Variants in PXDN observed in about 807,000 individuals in gnomAD.
The protein encoded by PXDN is peroxidasin.
A neutral mutation model predicts 140.3 loss-of-function variants in PXDN; 77 were observed. That is an observed-to-expected ratio of 0.55 (90% confidence interval 0.46 to 0.66). PXDN has a LOEUF of 0.66. Among genes scored for constraint, PXDN ranks in the 30% least tolerant of loss-of-function variants. The probability of loss-of-function intolerance (pLI) is 0.00; values close to 1 mark genes in which losing one functional copy is unlikely to be tolerated. For missense variants in PXDN, 1,838 were observed against 2,039.5 expected (o/e 0.90, Z 1.90); for synonymous variants, 911 against 857.4 (o/e 1.06, Z -1.09).
chr2:1,743,402 C>A (rs975299771), intron 1 of PXDN, among the ~76,000 whole-genome samples: 3 of 152,164 alleles, frequency 2.0e-5, no homozygotes, highest in African/African-American at 7.2e-5. Flanking sequence ...CGGCCCCTCT[C>A]GGGAACCCCG....
At chr2:1,712,475 G>A (rs1684805978) in intron 1 of PXDN, among the ~76,000 whole-genome samples, 1 of 152,198 alleles carries the variant, frequency 6.6e-6, no homozygotes, top group South Asian at 2.1e-4. Context: ...GGAGGGTCAA[G>A]TTGAAATGTC....
chr2:1,692,554 A>G (rs1252430939), intron 2 of PXDN: 1 of 471,908 alleles, frequency 2.1e-6, no homozygotes, highest in African/African-American at 2.0e-5. Context: ...CCTGGTGCAG[A>G]AGGGAACCAG....
rs533879368 is a variant in PXDN at position 1,648,760 on chromosome 2, G to A, written c.3020C>T (p.Pro1007Leu). The change falls in exon 17 of 23, where the codon CCG becomes CTG. Residue 1007 changes from proline (P) to leucine (L), a missense_variant. Coordinates refer to ENST00000252804, the MANE Select transcript of PXDN (RefSeq NM_012293.3). This position sits in a 1 kb window ranked among gnomAD's most constrained non-coding sequence, Gnocchi z 8.9. ...GTAGATGGTGTCGCCGTCCCAGTGC[G>A]GGTTCAGCTTGAGCAGCTCCGTGGC... is the stretch of plus-strand genomic sequence containing the variant. ...RIATELLKLNPHWDGDTIYYE... is the reference protein window; with the variant it reads ...RIATELLKLNLHWDGDTIYYE... 4 of 1,603,966 alleles carry A rather than the reference G, an allele frequency of 2.5e-6. No homozygotes were observed. Among genetic ancestry groups the A allele is most frequent in the African/African-American group, 2.7e-5 (2 of 74,722 alleles).
Position 1,647,050 on chromosome 2 carries a change from A to G in PXDN, c.3608+1122T>C, listed in dbSNP as rs80031834. On this transcript the variant is annotated intron_variant, in intron 17 of 22. Coordinates refer to ENST00000252804, the MANE Select transcript of PXDN (RefSeq NM_012293.3). ...GCTGGGATTACAGGCGCCTGCCACC[A>G]CGCCCAGCTAATTTTTGTAGTTTTT... 8.1e-3 allele frequency among the ~76,000 whole-genome samples: 1,227 copies of G among 152,018 alleles called. 67 individuals are homozygous for G. The East Asian group carries it at 0.13, about 16-fold the overall frequency.
intron 21 of PXDN, chr2:1,636,385 C>T (rs896366163): frequency 2.0e-5 from 3 of 152,524 alleles, no homozygotes; most frequent in African/African-American, 7.2e-5. Flanking sequence ...CACCCACTTA[C>T]TCATGTCAAT....
rs114216500 is a variant in PXDN, at chr2:1,736,957, G to C, written c.200+7299C>G. ...GAACAAAAGACAGATGCTCCCGAAG[G>C]CTCCTCCTAAAGCCTCCAAAGCTCT... On this transcript the variant is annotated intron_variant, in intron 1 of 22. Transcript: ENST00000252804. Among the ~76,000 whole-genome samples, 1,408 of 152,306 alleles carry C rather than the reference G, an allele frequency of 9.2e-3. 18 individuals are homozygous for C. The highest frequency in any genetic ancestry group is 0.032 in the African/African-American group (1,339 of 41,560).
rs1683065293 is a variant in PXDN, at chr2:1,653,690, C to T, written c.2042G>A (p.Arg681Gln). The T allele has an allele frequency of 3.1e-6, 5 of 1,610,932 alleles. No homozygotes were observed. Among genetic ancestry groups the T allele is most frequent in the South Asian group, 2.2e-5 (2 of 89,948 alleles). Reference protein sequence around the residue: ...EQARAGEIFERTLQLIQEHVQ... With the variant: ...EQARAGEIFEQTLQLIQEHVQ... Reference sequence around the variant, plus strand: ...ATGCTCCTGAATGAGCTGCAATGTCCGTTCAAAGATTTCTCCCGCCCGTGC... The same window carrying T: ...ATGCTCCTGAATGAGCTGCAATGTCTGTTCAAAGATTTCTCCCGCCCGTGC... Residue 681 changes from arginine to glutamine, a missense_variant, in exon 16 of 23, where the codon CGG becomes CAG. Physicochemically the swap from Arg to Gln is conservative, Grantham distance 43. Around this residue, in one of 5 missense-constraint regions of PXDN, gnomAD observed 537 missense variants for 583.9 expected, o/e 0.92. Transcript: ENST00000252804.
intron 7 of PXDN, among the ~76,000 whole-genome samples, chr2:1,677,384 G>A (rs139093815): frequency 5.1e-4 from 78 of 152,328 alleles, no homozygotes; most frequent in African/African-American, 1.8e-3. Flanking sequence ...TACGCCACGG[G>A]TCGCTATTTT....
intron 8 of PXDN, among the ~76,000 whole-genome samples, chr2:1,674,602 G>A (rs537262562): frequency 5.3e-5 from 8 of 152,258 alleles, no homozygotes; most frequent in African/African-American, 7.2e-5. Context: ...CAGTCCTGCC[G>A]CCTCTCACCC....
At chr2:1,712,931 G>GA (rs2125471916) in intron 1 of PXDN, among the ~76,000 whole-genome samples, 1 of 152,300 alleles carries the variant, frequency 6.6e-6, no homozygotes, top group South Asian at 2.1e-4. Context: ...CACCATGGTG[G>GA]CCAGGCTGGT....
In PXDN at chr2:1,660,666, TGGG is replaced by T. The variant is rs1157608158; in HGVS notation, c.1837+212_1837+214del. On this transcript the variant is annotated intron_variant, in intron 14 of 22. Transcript: ENST00000252804. This position sits in a 1 kb window ranked among gnomAD's most constrained non-coding sequence, Gnocchi z 4.6. ...GCAGGACAAAGCTCTGCCCCGTGGA[TGGG>T]CAGCAGGGCCTCCAGGTGCCTGTGT... 6.6e-6 allele frequency among the ~76,000 whole-genome samples: 1 copy of T among 152,114 alleles called. No homozygotes were observed. Among genetic ancestry groups the T allele is most frequent in the East Asian group, 1.9e-4 (1 of 5,174 alleles).
rs1323805189 is a variant in PXDN, at chr2:1,688,345, C to G, written c.345-642G>C. 2.0e-5 allele frequency among the ~76,000 whole-genome samples: 3 copies of G among 152,226 alleles called. No homozygotes were observed. The East Asian group carries it at 5.8e-4, about 29-fold the overall frequency. On this transcript the variant is annotated intron_variant, in intron 3 of 22. Transcript: ENST00000252804. Reference sequence around the variant, plus strand: ...CTGCTGGAACACGCCCACACTCGCTCACTCCGCACCATCTGGGGCTGCGCT... The same window carrying G: ...CTGCTGGAACACGCCCACACTCGCTGACTCCGCACCATCTGGGGCTGCGCT...
chr2:1,736,055 C>T (rs892687363), intron 1 of PXDN, among the ~76,000 whole-genome samples: 7 of 152,320 alleles, frequency 4.6e-5, no homozygotes, highest in Admixed American at 6.5e-5. Flanking sequence ...TAGCTCCAAA[C>T]GTTCCTTCTG....
In PXDN at chr2:1,649,615, C is replaced by T. The variant is rs1384746095; in HGVS notation, c.2165G>A (p.Gly722Asp). ...QYLNLIANLS[G>D]CTAHRRVNNC... ...GTTCACGCGCCGGTGGGCGGTACAGCCCGACAGGTTTGCGATGAGGTTCAG... is the reference window on the plus strand; with the variant it reads ...GTTCACGCGCCGGTGGGCGGTACAGTCCGACAGGTTTGCGATGAGGTTCAG... Residue 722 changes from glycine to aspartate, a missense_variant, in exon 17 of 23, where the codon GGC (glycine) becomes GAC (aspartate). Coordinates refer to ENST00000252804, the MANE Select transcript of PXDN (RefSeq NM_012293.3). The surrounding 1 kb of genome is among the most constrained non-coding windows in gnomAD (Gnocchi z 7.1). 6.2e-7 allele frequency: 1 copy of T among 1,614,012 alleles called. No individual in the cohort carries two copies. Among genetic ancestry groups the T allele is most frequent in the South Asian group, 1.1e-5 (1 of 91,088 alleles).
intron 1 of PXDN, among the ~76,000 whole-genome samples, chr2:1,705,792 A>G (rs1374589572): frequency 1.4e-5 from 2 of 147,836 alleles, no homozygotes; most frequent in African/African-American, 5.0e-5. Context: ...GCAGCTCCCC[A>G]CGACCTGGGA....
At chr2:1,744,045 C>G (rs900566225) in intron 1 of PXDN, among the ~76,000 whole-genome samples, 1 of 152,220 alleles carries the variant, frequency 6.6e-6, no homozygotes, top group South Asian at 2.1e-4. Flanking sequence ...CGGCGTCTCC[C>G]GCAGGGCGAA....
chr2:1,702,599 C>T (rs982518760), intron 1 of PXDN, among the ~76,000 whole-genome samples: 1 of 152,298 alleles, frequency 6.6e-6, no homozygotes, highest in South Asian at 2.1e-4. Context: ...CCAAAGTCTT[C>T]AGGGCACAGC....
chr2:1,667,967 G>T (rs1683485489), intron 9 of PXDN, among the ~76,000 whole-genome samples: 1 of 152,138 alleles, frequency 6.6e-6, no homozygotes, highest in South Asian at 2.1e-4. Context: ...AATTTCATAT[G>T]GACCAAAAAG....
intron 4 of PXDN, among the ~76,000 whole-genome samples, chr2:1,684,713 C>T (rs1285168233): frequency 6.6e-6 from 1 of 152,202 alleles, no homozygotes; most frequent in African/African-American, 2.4e-5. Flanking sequence ...CATCTTTCCT[C>T]GGGTGTCGTT....
Sources: allele counts gnomAD v4.1 joint callset (sites outside exome capture counted in the v4.1 genomes callset), GRCh38; gene constraint gnomAD v4.1.1; regional missense constraint gnomAD v4.1.1; non-coding constraint Gnocchi (gnomAD v3.1); transcripts MANE v1.5; gene names NCBI Gene and HGNC (gene_info 2026-07-23, HGNC 2026-07-21).